PDE4D: variants seen among roughly 807,000 people sequenced by gnomAD.
PDE4D encodes 3',5'-cyclic-AMP phosphodiesterase 4D.
PDE4D carries 24 observed loss-of-function variants against 87.4 expected under a neutral mutation model. The observed-to-expected ratio is 0.27, with a 90% CI of 0.20 to 0.39. The LOEUF (loss-of-function observed/expected upper bound fraction) is 0.39. Ranked by LOEUF, PDE4D falls within the 10% of genes least tolerant of loss-of-function variation. PDE4D has a pLI of 1.00. For missense variants in PDE4D, 714 were observed against 1,041.0 expected, an observed-to-expected ratio of 0.69 and a Z score of 4.32; for synonymous variants, 384 against 383.2, an observed-to-expected ratio of 1.00 and a Z score of -0.02.
At position 60,159,809 on chromosome 5, in the gene PDE4D, G is replaced by C. The variant is rs1000787265; in HGVS notation, c.42+25748C>G. ...TTGCATTGACTTCTTAGAAATCAAG[G>C]AATGAGATGTCAGGAGAATTTGTTC... On this transcript the variant is annotated intron_variant, in intron 2 of 16. Transcript: ENST00000502484. Among the ~76,000 whole-genome samples the C allele has an allele frequency of 5.3e-5, 8 of 152,216 alleles. No individual in the cohort carries two copies. The South Asian group carries it at 1.7e-3, about 32-fold the overall frequency.
chr5:59,667,815 T>C (rs1055679577), intron 1 of PDE4D, among the ~76,000 whole-genome samples: 26 of 152,186 alleles, frequency 1.7e-4, no homozygotes, highest in African/African-American at 4.6e-4. Flanking sequence ...ACACATCCAG[T>C]CTATGTTCCC....
chr5:60,520,155 C>A (rs772133354), intron 1 of PDE4D, among the ~76,000 whole-genome samples: 2 of 152,112 alleles, frequency 1.3e-5, no homozygotes, highest in African/African-American at 2.4e-5. Context: ...AATGTACAGA[C>A]ATAGGTGCCC....
intron 2 of PDE4D, among the ~76,000 whole-genome samples, chr5:60,181,651 C>T (rs1039352640): frequency 6.6e-6 from 1 of 152,162 alleles, no homozygotes; most frequent in Non-Finnish European, 1.5e-5. Flanking sequence ...AAGTAGATGA[C>T]ATCTTGAATA....
intron 1 of PDE4D, among the ~76,000 whole-genome samples, chr5:59,837,663 A>G (rs1742341000): frequency 6.6e-6 from 1 of 152,072 alleles, no homozygotes; most frequent in South Asian, 2.1e-4. Flanking sequence ...TTTAACATAA[A>G]TTATGAGATT....
chr5:59,093,409 C>A (rs1769098208), intron 5 of PDE4D, among the ~76,000 whole-genome samples: 2 of 152,130 alleles, frequency 1.3e-5, no homozygotes, highest in African/African-American at 4.8e-5. Flanking sequence ...CTGCAGGTTG[C>A]GAAATAGGTG....
At chr5:59,633,296 C>A (rs139196461) in intron 1 of PDE4D, among the ~76,000 whole-genome samples, 1 of 152,036 alleles carries the variant, frequency 6.6e-6, no homozygotes, top group African/African-American at 2.4e-5. Flanking sequence ...AGAATGAAAC[C>A]AAGTTGGAAA....
At chr5:59,731,099 C>T (rs35605497) in intron 1 of PDE4D, among the ~76,000 whole-genome samples, 11,904 of 151,840 alleles carry the variant, frequency 0.078, 713 homozygotes, top group African/African-American at 0.17. Flanking sequence ...ATGTTAATCA[C>T]CCAATAATAT....
chr5:59,771,538 G>GAAAGAAAGAAAGA (rs1763573370), intron 1 of PDE4D, among the ~76,000 whole-genome samples: 1 of 148,302 alleles, frequency 6.7e-6, no homozygotes, highest in African/African-American at 2.6e-5. Flanking sequence ...AAGAAAGAAA[G>GAAAGAAAGAAAGA]AAAGAAAGAA....
At chr5:59,721,237 C>A (rs1249081003) in intron 1 of PDE4D, among the ~76,000 whole-genome samples, 3 of 152,142 alleles carry the variant, frequency 2.0e-5, no homozygotes, top group Non-Finnish European at 4.4e-5. Flanking sequence ...TTGAATTATA[C>A]TTTTACTTAT....
At chr5:59,622,169 TTA>T (rs143422555) in intron 1 of PDE4D, among the ~76,000 whole-genome samples, 1 of 151,304 alleles carries the variant, frequency 6.6e-6, no homozygotes, top group African/African-American at 2.4e-5. Context: ...ACTATTTTCT[TTA>T]TATATATATA....
intron 2 of PDE4D, among the ~76,000 whole-genome samples, chr5:60,114,487 A>G (rs972230580): frequency 2.0e-5 from 3 of 152,158 alleles, no homozygotes; most frequent in Admixed American, 6.6e-5. Context: ...ACAAAATACA[A>G]TCAGCATCTC....
At chr5:59,721,657 C>T (rs1000512128) in intron 1 of PDE4D, among the ~76,000 whole-genome samples, 1 of 152,120 alleles carries the variant, frequency 6.6e-6, no homozygotes, top group African/African-American at 2.4e-5. Flanking sequence ...CCTAAAAATG[C>T]TGTTTAAACA....
chr5:60,030,294 C>T (rs1262600869), intron 2 of PDE4D, among the ~76,000 whole-genome samples: 3 of 151,658 alleles, frequency 2.0e-5, no homozygotes, highest in Non-Finnish European at 2.9e-5. Context: ...ACTAAAAATA[C>T]AAAAAATTAG....
intron 1 of PDE4D, among the ~76,000 whole-genome samples, chr5:59,587,210 C>T (rs1431555094): frequency 6.6e-6 from 1 of 152,196 alleles, no homozygotes; most frequent in Non-Finnish European, 1.5e-5. Flanking sequence ...GCAGAATCCC[C>T]TTTATTTTGT....
chr5:59,086,576 A>G (rs140493242), intron 5 of PDE4D, among the ~76,000 whole-genome samples: 2,849 of 152,086 alleles, frequency 0.019, 41 homozygotes, highest in Middle Eastern at 0.024. Flanking sequence ...CCTACCTACC[A>G]TTGTGCTGAA....
intron 2 of PDE4D, among the ~76,000 whole-genome samples, chr5:60,100,821 C>A (rs1431221666): frequency 2.0e-5 from 3 of 152,094 alleles, no homozygotes; most frequent in African/African-American, 7.2e-5. Context: ...AATATGTTCA[C>A]ACATACACAC....
intron 1 of PDE4D, among the ~76,000 whole-genome samples, chr5:59,310,545 G>A (rs1398013805): frequency 6.6e-6 from 1 of 152,062 alleles, no homozygotes; most frequent in Non-Finnish European, 1.5e-5. Flanking sequence ...TCTGCACTTT[G>A]GGGAGAGGAC....
At chr5:60,129,527 CT>C (rs1353388178) in intron 2 of PDE4D, among the ~76,000 whole-genome samples, 1 of 152,154 alleles carries the variant, frequency 6.6e-6, no homozygotes, top group Admixed American at 6.6e-5. Context: ...GTAGGACCAG[CT>C]ACATGATGTA....
chr5:59,835,993 A>C (rs531336530), intron 1 of PDE4D, among the ~76,000 whole-genome samples: 2 of 152,170 alleles, frequency 1.3e-5, no homozygotes, highest in South Asian at 4.1e-4. Context: ...CAGGTTGCTT[A>C]TCTCTGTTTC....
Sources: gnomAD v4.1 joint callset for allele counts (sites outside exome capture counted in the v4.1 genomes callset) on GRCh38, gnomAD v4.1.1 for gene constraint, MANE v1.5 for transcripts, NCBI Gene and HGNC (gene_info 2026-07-23, HGNC 2026-07-21) for gene names.